Variants in KRT8 observed in about 807,000 individuals in gnomAD.
KRT8 encodes keratin, type II cytoskeletal 8.
In KRT8, 24 loss-of-function variants were observed where a neutral mutation model predicts 43.0. The observed-to-expected ratio is 0.56, with a 90% CI of 0.40 to 0.78. The LOEUF (loss-of-function observed/expected upper bound fraction) is 0.78, where lower values mean the gene tolerates loss of function less well. KRT8 is among the 30% of genes least tolerant of loss of function. KRT8 has a pLI of 0.00. For synonymous variants in KRT8, 214 were observed against 261.2 expected (o/e 0.82, Z 1.74); for missense variants, 492 against 638.4 (o/e 0.77, Z 2.47).
intron 2 of KRT8, among the ~76,000 whole-genome samples, chr12:52,918,240 A>AGAAGAAGAAGAAGAG (rs1941814498): frequency 3.3e-5 from 5 of 151,828 alleles, no homozygotes; most frequent in African/African-American, 1.2e-4. Flanking sequence ...AAGAAGAAGA[A>AGAAGAAGAAGAAGAG]GAAGAAGAAG....
chr12:52,906,506 G>A, upstream of KRT8: 2 of 354,044 alleles, frequency 5.6e-6, no homozygotes, highest in Non-Finnish European at 1.1e-5. Flanking sequence ...GGGCAGGTTG[G>A]GACGTAGCAC....
intron 2 of KRT8, among the ~76,000 whole-genome samples, chr12:52,918,062 G>T (rs1941785128): frequency 1.4e-5 from 2 of 141,510 alleles, no homozygotes; most frequent in Non-Finnish European, 1.5e-5. Flanking sequence ...GGAAGAAGAA[G>T]GAGAAGAAGA....
chr12:52,949,285 G>A (rs77999286), intron 2 of KRT8: 4 of 1,486,344 alleles, frequency 2.7e-6, no homozygotes, highest in Non-Finnish European at 3.6e-6. Flanking sequence ...CGTCTATGCA[G>A]GCGCTGGGGG....
At position 52,936,097 on chromosome 12, in the gene KRT8, C is replaced by T. The variant is rs992854026; in HGVS notation, c.-47+13359G>A. Among the ~76,000 whole-genome samples, 211 of 151,886 alleles carry T rather than the reference C, an allele frequency of 1.4e-3. 1 individual carries two copies. Among genetic ancestry groups the T allele is most frequent in the Non-Finnish European group, 4.7e-4 (32 of 67,930 alleles). On this transcript the variant is annotated intron_variant, in intron 2 of 6. Coordinates refer to the KRT8 transcript ENST00000546826. ...TGAAACCCCGTCTGTACTCAAAATA[C>T]AAAAATTAGCCGGGCATGGTGGCAC...
intron 1 of KRT8, among the ~76,000 whole-genome samples, chr12:52,904,122 C>T (rs1362377372): frequency 6.6e-6 from 1 of 151,592 alleles, no homozygotes; most frequent in Non-Finnish European, 1.5e-5. Context: ...ACACCAAACC[C>T]CTATGTAAAA....
chr12:52,898,579 C>T (rs1941276131), intron 6 of KRT8, 60 bp from the exon 7 acceptor site: 1 of 1,612,228 alleles, frequency 6.2e-7, no homozygotes, highest in Admixed American at 1.7e-5. Context: ...CCCAGAACAA[C>T]AGGACCCCAA....
intron 2 of KRT8, among the ~76,000 whole-genome samples, chr12:52,936,991 T>C (rs1046475004): frequency 2.6e-5 from 4 of 152,100 alleles, no homozygotes; most frequent in Admixed American, 6.6e-5. Flanking sequence ...TCCAGACATA[T>C]TTTCAAAACT....
At chr12:52,926,440 C>G in intron 2 of KRT8, 1 of 1,535,326 alleles carries the variant, frequency 6.5e-7, no homozygotes, top group Admixed American at 2.0e-5. Flanking sequence ...CTCCAGCTCA[C>G]CCCATTCATT....
chr12:52,931,692 C>A (rs893210832), intron 2 of KRT8, among the ~76,000 whole-genome samples: 2 of 148,720 alleles, frequency 1.3e-5, no homozygotes, highest in African/African-American at 5.2e-5. Flanking sequence ...GACGGAGTTT[C>A]GCTCTTGTTG....
chr12:52,938,170 A>ATATATATATATATATTTTT (rs1555189967), intron 2 of KRT8, among the ~76,000 whole-genome samples: 1 of 30,320 alleles, frequency 3.3e-5, no homozygotes, highest in Non-Finnish European at 5.9e-5. Context: ...ATATATATAT[A>ATATATATATATATATTTTT]TTTTTTTTTT....
chr12:52,941,905 T>C (rs916308647), intron 2 of KRT8, among the ~76,000 whole-genome samples: 2 of 152,128 alleles, frequency 1.3e-5, no homozygotes, highest in African/African-American at 4.8e-5. Flanking sequence ...ACCTTGTGGC[T>C]TTTCTGTGCT....
chr12:52,935,784 C>T (rs973716205), intron 2 of KRT8, among the ~76,000 whole-genome samples: 21 of 151,910 alleles, frequency 1.4e-4, no homozygotes, highest in South Asian at 4.2e-4. Flanking sequence ...CTGGAATTAA[C>T]GGTGTGAACC....
intron 2 of KRT8, among the ~76,000 whole-genome samples, chr12:52,932,483 T>TG (rs905284072): frequency 6.6e-6 from 1 of 152,200 alleles, no homozygotes; most frequent in African/African-American, 2.4e-5. Context: ...TTTGTTTTTT[T>TG]CTTTCTGACC....
chr12:52,946,229 T>C (rs1942342086), intron 2 of KRT8, among the ~76,000 whole-genome samples: 1 of 152,094 alleles, frequency 6.6e-6, no homozygotes, highest in Non-Finnish European at 1.5e-5. Flanking sequence ...AATTCTAGAA[T>C]CTGTTTTGAT....
At chr12:52,910,537 T>C (rs1941614528), upstream of KRT8, among the ~76,000 whole-genome samples, 3 of 152,062 alleles carry the variant, frequency 2.0e-5, no homozygotes, top group South Asian at 6.2e-4. Context: ...AGACAGAGAC[T>C]GCGAGAGGAC....
chr12:52,907,612 G>A (rs1319405272), upstream of KRT8, among the ~76,000 whole-genome samples: 2 of 152,202 alleles, frequency 1.3e-5, no homozygotes, highest in East Asian at 1.9e-4. Flanking sequence ...TATGCAGGCT[G>A]GAGGGCTGAC....
intron 2 of KRT8, among the ~76,000 whole-genome samples, chr12:52,921,136 G>C (rs1037108036): frequency 6.6e-6 from 1 of 152,214 alleles, no homozygotes; most frequent in Non-Finnish European, 1.5e-5. Flanking sequence ...TCAGGGACCT[G>C]TTAGTCAAGT....
intron 2 of KRT8, among the ~76,000 whole-genome samples, chr12:52,920,385 G>C (rs1941858417): frequency 6.6e-6 from 1 of 151,406 alleles, no homozygotes; most frequent in Non-Finnish European, 1.5e-5. Context: ...ATCACCTGAG[G>C]TCAAGAGTTT....
At chr12:52,927,829 A>G (rs976724313) in intron 2 of KRT8, among the ~76,000 whole-genome samples, 4 of 152,222 alleles carry the variant, frequency 2.6e-5, no homozygotes, top group Non-Finnish European at 5.9e-5. Flanking sequence ...CCGTAATCCC[A>G]GCACTTTGGG....
Sources: allele counts gnomAD v4.1 joint callset (sites outside exome capture counted in the v4.1 genomes callset), GRCh38; gene constraint gnomAD v4.1.1; transcripts MANE v1.5; gene names NCBI Gene and HGNC (gene_info 2026-07-23, HGNC 2026-07-21).